The following CFAP54 variants were observed in gnomAD, a reference collection of about 807,000 sequenced individuals.
The protein encoded by CFAP54 is cilia and flagella associated protein 54, also known as cilia- and flagella-associated protein 54.
CFAP54 carries 290 observed loss-of-function variants against 370.4 expected under a neutral mutation model. That is an observed-to-expected ratio of 0.78 (90% CI 0.71 to 0.86). The LOEUF is 0.86. CFAP54 is among the 40% of genes least tolerant of loss of function. The pLI is 0.00. For missense variants in CFAP54, 3,399 were observed against 3,528.7 expected, an observed-to-expected ratio of 0.96 and a Z score of 0.93; for synonymous variants, 1,206 against 1,236.5, an observed-to-expected ratio of 0.98 and a Z score of 0.52.
intron 60 of CFAP54, among the ~76,000 whole-genome samples, chr12:96,773,349 G>A (rs987176276): frequency 1.3e-5 from 2 of 152,190 alleles, no homozygotes; most frequent in Non-Finnish European, 2.9e-5. Context: ...CCGAAGAGAT[G>A]CCTTGAATCA....
chr12:96,646,928 A>AAC (rs1956800719), intron 33 of CFAP54: 1 of 152,132 alleles, frequency 6.6e-6, no homozygotes, highest in African/African-American at 2.4e-5. Context: ...CAGGAAGGGG[A>AAC]ACATCACACA....
At chr12:96,639,992 G>A (rs1956706195) in intron 32 of CFAP54, among the ~76,000 whole-genome samples, 1 of 152,110 alleles carries the variant, frequency 6.6e-6, no homozygotes, top group African/African-American at 2.4e-5. Flanking sequence ...GGCAAAAACT[G>A]GAAGCATTCC....
intron 48 of CFAP54, among the ~76,000 whole-genome samples, chr12:96,711,500 G>C (rs1040894408): frequency 2.0e-5 from 3 of 152,190 alleles, no homozygotes; most frequent in Non-Finnish European, 4.4e-5. Flanking sequence ...CCCACAAGGT[G>C]GTGAGGCTGG....
intron 1 of CFAP54, among the ~76,000 whole-genome samples, chr12:96,496,284 C>T (rs1954953762): frequency 6.6e-6 from 1 of 152,210 alleles, no homozygotes; most frequent in African/African-American, 2.4e-5. Context: ...CCAACACATA[C>T]ATCATAAGTA....
At chr12:96,826,336 T>TATATATATTGAATATATATAGTCG (rs1565993297) in intron 65 of CFAP54, among the ~76,000 whole-genome samples, 28 of 65,690 alleles carry the variant, frequency 4.3e-4, no homozygotes, top group South Asian at 2.4e-3. Context: ...ATATATAGTC[T>TATATATATTGAATATATATAGTCG]ACAATATATA....
At chr12:96,621,871 G>GTTTTT (rs1290967830) in intron 27 of CFAP54, 150 bp downstream of exon 27, 15 of 51,424 alleles carry the variant, frequency 2.9e-4, no homozygotes, top group African/African-American at 3.1e-4. Flanking sequence ...GAGCTTTTGG[G>GTTTTT]TTTGTTTTTT....
chr12:96,681,118 C>CCG (rs1443682058), intron 40 of CFAP54, among the ~76,000 whole-genome samples: 1 of 139,446 alleles, frequency 7.2e-6, no homozygotes, highest in Non-Finnish European at 1.6e-5. Context: ...AAAGCACCCC[C>CCG]CCACACACAC....
At chr12:96,820,965 T>G (rs1197249427) in intron 65 of CFAP54, among the ~76,000 whole-genome samples, 1 of 152,160 alleles carries the variant, frequency 6.6e-6, no homozygotes, top group Non-Finnish European at 1.5e-5. Flanking sequence ...AATGATTATT[T>G]TCCTCTGAAC....
At chr12:96,623,637 T>A (rs1956523663) in intron 27 of CFAP54, 130 bp from the exon 28 acceptor site, 3 of 589,728 alleles carry the variant, frequency 5.1e-6, no homozygotes, top group Admixed American at 3.0e-5. Flanking sequence ...TTAATTAATA[T>A]TGTTATGTAG....
chr12:96,849,114 C>T (rs1167193605), intron 66 of CFAP54, among the ~76,000 whole-genome samples: 1 of 151,982 alleles, frequency 6.6e-6, no homozygotes, highest in East Asian at 1.9e-4. Flanking sequence ...TGTTTTTCCC[C>T]AGTCTAGAAA....
intron 19 of CFAP54, among the ~76,000 whole-genome samples, chr12:96,565,297 A>G (rs1264295766): frequency 6.6e-6 from 1 of 152,136 alleles, no homozygotes; most frequent in Non-Finnish European, 1.5e-5. Context: ...GCAGTGGCGC[A>G]GTCCTAGATC....
chr12:96,842,033 T>C (rs901825341), intron 66 of CFAP54, among the ~76,000 whole-genome samples: 3 of 152,194 alleles, frequency 2.0e-5, no homozygotes, highest in Non-Finnish European at 4.4e-5. Flanking sequence ...CTTAAAATAA[T>C]GTGAAATGAA....
At chr12:96,850,397 G>A (rs1037579020) in intron 66 of CFAP54, among the ~76,000 whole-genome samples, 4 of 152,040 alleles carry the variant, frequency 2.6e-5, no homozygotes, top group African/African-American at 9.7e-5. Context: ...CAGGGGAGTG[G>A]GAGAGGCTGC....
chr12:96,650,104 A>G, intron 35 of CFAP54, 32 bp downstream of exon 35: 1 of 1,543,938 alleles, frequency 6.5e-7, no homozygotes, highest in Non-Finnish European at 8.7e-7. Context: ...GCAGTGTAGT[A>G]GACATAAATT....
At chr12:96,670,579 T>A (rs1344875332) in intron 39 of CFAP54, among the ~76,000 whole-genome samples, 2 of 151,866 alleles carry the variant, frequency 1.3e-5, no homozygotes, top group African/African-American at 4.8e-5. Flanking sequence ...AGGTACAGAG[T>A]GTGTGAAGGC....
chr12:96,658,013 C>T lies in CFAP54; in HGVS notation c.5232C>T (p.His1744=), dbSNP rs114864261. Residue 1744 remains histidine (H), a synonymous_variant, in exon 37 of 68, where the codon CAC becomes CAT. Coordinates refer to ENST00000524981, the MANE Select transcript of CFAP54 (RefSeq NM_001306084.2). ...ATGTGGTTGATTTGAAATGGATCCA[C>T]GACTTTGTATTAAAATCTCTGGAAG... The part of the protein sequence containing the change: ...DVNVVDLKWI[H]DFVLKSLEVL... 15 of 1,613,652 alleles carry T rather than the reference C, an allele frequency of 9.3e-6. No homozygotes were observed. In the East Asian group the frequency reaches 2.0e-4, roughly 22 times the overall value.
intron 32 of CFAP54, among the ~76,000 whole-genome samples, chr12:96,630,890 A>AT (rs1956600813): frequency 6.6e-6 from 1 of 152,044 alleles, no homozygotes; most frequent in Non-Finnish European, 1.5e-5. Context: ...TTGGCTTGGC[A>AT]TGAAGGTGGT....
intron 19 of CFAP54, among the ~76,000 whole-genome samples, chr12:96,570,170 T>C (rs1244125949): frequency 6.6e-6 from 1 of 152,014 alleles, no homozygotes; most frequent in East Asian, 1.9e-4. Flanking sequence ...GATGCGGTTT[T>C]GTCATGTTGC....
chr12:96,494,262 C>T (rs1187023296), intron 1 of CFAP54, among the ~76,000 whole-genome samples: 1 of 151,510 alleles, frequency 6.6e-6, no homozygotes, highest in Non-Finnish European at 1.5e-5. Flanking sequence ...AAAGAGTTTG[C>T]ATTTATTCCA....
Sources: allele counts gnomAD v4.1 joint callset (sites outside exome capture counted in the v4.1 genomes callset), GRCh38; gene constraint gnomAD v4.1.1; transcripts MANE v1.5; gene names NCBI Gene and HGNC (gene_info 2026-07-23, HGNC 2026-07-21).